The following GPC6 variants were observed in gnomAD, a reference collection of about 807,000 sequenced individuals.
GPC6 encodes glypican-6.
A neutral mutation model predicts 55.2 loss-of-function variants in GPC6; 14 were observed. The ratio of observed to expected loss-of-function variants is 0.25; its 90% CI spans 0.17 to 0.40. GPC6 has a LOEUF of 0.40. Among genes scored for constraint, GPC6 ranks in the 10% least tolerant of loss-of-function variants. GPC6 has a pLI of 1.00. For missense variants in GPC6, 641 were observed against 708.5 expected, an observed-to-expected ratio of 0.90 and a Z score of 1.08; for synonymous variants, 278 against 259.6, an observed-to-expected ratio of 1.07 and a Z score of -0.68.
intron 1 of GPC6, among the ~76,000 whole-genome samples, chr13:93,526,327 G>A (rs183305323): frequency 5.9e-5 from 9 of 152,160 alleles, no homozygotes; most frequent in Admixed American, 5.9e-4. Context: ...GGTGATCAGT[G>A]TAAGTTTCTT....
chr13:94,135,296 C>G lies in GPC6; in HGVS notation c.877+107402C>G, dbSNP rs559169804. ...TTAAGGCAGACTGAATTAATTATAT[C>G]TGAGATTTGACTTACACATTAGATG... On this transcript the variant is annotated intron_variant, in intron 4 of 8. Transcript: ENST00000377047. Among the ~76,000 whole-genome samples, 7 of 149,672 alleles carry G rather than the reference C, an allele frequency of 4.7e-5. No individual in the cohort carries two copies. The East Asian group carries it at 1.4e-3, about 29-fold the overall frequency.
intron 3 of GPC6, among the ~76,000 whole-genome samples, chr13:93,916,070 G>T (rs561674523): frequency 2.3e-4 from 35 of 152,050 alleles, no homozygotes; most frequent in Admixed American, 3.9e-4. Context: ...AGCATCACGG[G>T]AGTAGGCAGC....
At chr13:93,575,477 T>C (rs1251629289) in intron 2 of GPC6, among the ~76,000 whole-genome samples, 1 of 152,140 alleles carries the variant, frequency 6.6e-6, no homozygotes, top group African/African-American at 2.4e-5. Context: ...AGTTTCAGAT[T>C]CAGTAGATCT....
intron 2 of GPC6, among the ~76,000 whole-genome samples, chr13:93,649,198 C>A (rs943017454): frequency 1.3e-5 from 2 of 152,128 alleles, no homozygotes; most frequent in African/African-American, 2.4e-5. Context: ...CACCTGTAAT[C>A]CCAGCACTTT....
intron 1 of GPC6, among the ~76,000 whole-genome samples, chr13:93,232,562 A>G (rs1286089054): frequency 6.6e-6 from 1 of 152,192 alleles, no homozygotes; most frequent in Non-Finnish European, 1.5e-5. Flanking sequence ...TGACTGATAT[A>G]CTTTTTTACA....
chr13:93,476,841 A>G (rs9556298), intron 1 of GPC6, among the ~76,000 whole-genome samples: 6,088 of 152,246 alleles, frequency 0.04, 430 homozygotes, highest in East Asian at 0.28. Flanking sequence ...AAAATATGCT[A>G]TGTACAAATA....
intron 2 of GPC6, among the ~76,000 whole-genome samples, chr13:93,761,402 T>C (rs1020654504): frequency 6.6e-6 from 1 of 152,230 alleles, no homozygotes; most frequent in African/African-American, 2.4e-5. Flanking sequence ...GCAGGAAATT[T>C]ATTTTTCAGA....
chr13:94,231,430 C>T (rs1447753810), intron 4 of GPC6, among the ~76,000 whole-genome samples: 2 of 152,184 alleles, frequency 1.3e-5, no homozygotes, highest in African/African-American at 4.8e-5. Flanking sequence ...CATCGCCTCT[C>T]ATAAACCCCA....
At chr13:93,519,306 T>C (rs952839565) in intron 1 of GPC6, among the ~76,000 whole-genome samples, 1 of 152,030 alleles carries the variant, frequency 6.6e-6, no homozygotes, top group African/African-American at 2.4e-5. Flanking sequence ...TTATAGAAGA[T>C]GTTACATATG....
chr13:93,791,109 A>G (rs140494742), intron 2 of GPC6, among the ~76,000 whole-genome samples: 3 of 152,150 alleles, frequency 2.0e-5, no homozygotes, highest in African/African-American at 7.2e-5. Flanking sequence ...TTGGTTCTGT[A>G]CATAGTGATT....
intron 1 of GPC6, among the ~76,000 whole-genome samples, chr13:93,425,796 C>A (rs1315624072): frequency 6.6e-6 from 1 of 152,178 alleles, no homozygotes; most frequent in Non-Finnish European, 1.5e-5. Flanking sequence ...TCTCACCCCT[C>A]TCCCAGCTCC....
chr13:93,254,039 A>T (rs1019662833), intron 1 of GPC6, among the ~76,000 whole-genome samples: 6 of 152,166 alleles, frequency 3.9e-5, no homozygotes, highest in African/African-American at 1.4e-4. Context: ...TGTGTATTTT[A>T]AATATTAGGC....
rs1037433018 is a variant in GPC6, at chr13:94,404,441, C to G, written c.*1224C>G. ...TAATTCCAAGCTCAGGGTTGACACA[C>G]CTTTGTAAGAAAATGTTTTGTCAAC... is the stretch of plus-strand genomic sequence containing the variant. On this transcript the variant is annotated 3_prime_UTR_variant, in exon 9 of 9. Coordinates refer to ENST00000377047, the MANE Select transcript of GPC6 (RefSeq NM_005708.5). 6.6e-6 allele frequency: 1 copy of G among 152,168 alleles called. No individual in the cohort carries two copies. Among genetic ancestry groups the G allele is most frequent in the Non-Finnish European group, 1.5e-5 (1 of 68,040 alleles). The allele number at this position is 152,168 out of a possible 1,614,324, so 9.4% of individuals were successfully genotyped here.
At chr13:93,496,760 G>A (rs1055772779) in intron 1 of GPC6, among the ~76,000 whole-genome samples, 2 of 151,926 alleles carry the variant, frequency 1.3e-5, no homozygotes, top group Non-Finnish European at 2.9e-5. Context: ...TAAAAACTGT[G>A]GTAATTTAGA....
At chr13:93,313,196 A>G (rs1879132663) in intron 1 of GPC6, among the ~76,000 whole-genome samples, 1 of 152,164 alleles carries the variant, frequency 6.6e-6, no homozygotes, top group Non-Finnish European at 1.5e-5. Context: ...TTTATTTGGC[A>G]GAGCCTCAGA....
chr13:93,477,673 A>G (rs1219951234), intron 1 of GPC6, among the ~76,000 whole-genome samples: 2 of 152,230 alleles, frequency 1.3e-5, no homozygotes, highest in Non-Finnish European at 2.9e-5. Context: ...TATAACTTAC[A>G]GAATTGAGAG....
intron 6 of GPC6, among the ~76,000 whole-genome samples, chr13:94,350,026 G>A (rs971728804): frequency 4.6e-5 from 7 of 151,352 alleles, no homozygotes; most frequent in South Asian, 2.1e-4. Context: ...TCCTACTCTC[G>A]GAAGATGTGC....
chr13:94,291,218 A>G (rs1271628443), intron 5 of GPC6, among the ~76,000 whole-genome samples: 1 of 152,132 alleles, frequency 6.6e-6, no homozygotes, highest in Non-Finnish European at 1.5e-5. Flanking sequence ...AGAAAGAAAA[A>G]AAAAAGGGAT....
intron 6 of GPC6, among the ~76,000 whole-genome samples, chr13:94,348,592 C>A (rs1878398016): frequency 6.6e-6 from 1 of 152,136 alleles, no homozygotes; most frequent in African/African-American, 2.4e-5. Flanking sequence ...CCCTTTCTTC[C>A]TAGATTTTCA....
Sources: allele counts gnomAD v4.1 joint callset (sites outside exome capture counted in the v4.1 genomes callset), GRCh38; gene constraint gnomAD v4.1.1; transcripts MANE v1.5; gene names NCBI Gene and HGNC (gene_info 2026-07-23, HGNC 2026-07-21).